TSPAN12: variants seen among roughly 807,000 people sequenced by gnomAD.
TSPAN12 encodes tetraspanin 12.
In TSPAN12, 19 loss-of-function variants were observed where a neutral mutation model predicts 39.2. That is an observed-to-expected ratio of 0.49 (90% confidence interval 0.34 to 0.71). The LOEUF (loss-of-function observed/expected upper bound fraction) is 0.71. Among genes scored for constraint, TSPAN12 ranks in the 30% least tolerant of loss-of-function variants. TSPAN12 has a pLI of 0.01. For synonymous variants in TSPAN12, 119 were observed against 124.8 expected (o/e 0.95, Z 0.31); for missense variants, 314 against 359.9 (o/e 0.87, Z 1.03).
chr7:120,813,576 T>C (rs1794022490), intron 5 of TSPAN12, among the ~76,000 whole-genome samples: 1 of 152,220 alleles, frequency 6.6e-6, no homozygotes, highest in Non-Finnish European at 1.5e-5. Flanking sequence ...TTACCAAATA[T>C]TGGTATGGCA....
intron 5 of TSPAN12, chr7:120,814,013 G>A (rs975105708): frequency 2.1e-5 from 6 of 291,162 alleles, no homozygotes; most frequent in African/African-American, 9.0e-5. Context: ...ACTTAGTGCC[G>A]TTGTACATTG....
chr7:120,814,245 G>A (rs551881362), intron 5 of TSPAN12: 32 of 456,580 alleles, frequency 7.0e-5, no homozygotes, highest in Non-Finnish European at 1.3e-4. Flanking sequence ...GACTCTCTTC[G>A]CTCTGAAACA....
At chr7:120,843,820 C>A (rs1794621796) in intron 2 of TSPAN12, among the ~76,000 whole-genome samples, 1 of 152,222 alleles carries the variant, frequency 6.6e-6, no homozygotes, top group African/African-American at 2.4e-5. Context: ...TTGATGAAAT[C>A]TGTGGGCACA....
At chr7:120,853,255 G>A (rs537694280) in intron 2 of TSPAN12, among the ~76,000 whole-genome samples, 35 of 151,424 alleles carry the variant, frequency 2.3e-4, no homozygotes, top group Non-Finnish European at 4.4e-4. Context: ...CACGACACCC[G>A]GCTAATTTTT....
chr7:120,836,143 C>A (rs904847473), intron 4 of TSPAN12, among the ~76,000 whole-genome samples: 2 of 152,138 alleles, frequency 1.3e-5, no homozygotes, highest in Non-Finnish European at 2.9e-5. Flanking sequence ...AGAATCTGAA[C>A]TGAGAGGAAT....
At chr7:120,799,477 T>C (rs1254351177) in intron 7 of TSPAN12, among the ~76,000 whole-genome samples, 1 of 129,434 alleles carries the variant, frequency 7.7e-6, no homozygotes. Context: ...TAATTATTTT[T>C]ATAATTATAT....
At chr7:120,841,271 A>ATCC (rs1281299560) in intron 2 of TSPAN12, among the ~76,000 whole-genome samples, 1 of 152,226 alleles carries the variant, frequency 6.6e-6, no homozygotes, top group Non-Finnish European at 1.5e-5. Context: ...AATCAAATCA[A>ATCC]TCCTCCTGCA....
chr7:120,808,280 C>G (rs141593603), intron 6 of TSPAN12, among the ~76,000 whole-genome samples: 1 of 152,212 alleles, frequency 6.6e-6, no homozygotes, highest in Non-Finnish European at 1.5e-5. Flanking sequence ...GTATACGATG[C>G]TCAGTGCTGA....
At chr7:120,793,060 T>G (rs1793562419) in intron 7 of TSPAN12, among the ~76,000 whole-genome samples, 1 of 152,192 alleles carries the variant, frequency 6.6e-6, no homozygotes, top group Non-Finnish European at 1.5e-5. Flanking sequence ...AACCCTTCCC[T>G]TTTCCATAAG....
intron 4 of TSPAN12, among the ~76,000 whole-genome samples, chr7:120,831,307 C>T (rs183058046): frequency 6.6e-5 from 10 of 151,954 alleles, no homozygotes; most frequent in East Asian, 5.8e-4. Flanking sequence ...TACATCCAAA[C>T]GAAATGAATA....
At position 120,797,611 on chromosome 7, in the gene TSPAN12, T is replaced by G. The variant is rs536678909; in HGVS notation, c.613-8714A>C. Among the ~76,000 whole-genome samples, 379 of 152,314 alleles carry G rather than the reference T, an allele frequency of 2.5e-3. 2 individuals carry two copies. The highest frequency in any genetic ancestry group is 8.7e-3 in the African/African-American group (362 of 41,570). On this transcript the variant is annotated intron_variant, in intron 7 of 7. Transcript: ENST00000222747. ...CACATGGAATACCTGACAAGAACCT[T>G]AAATCCAGTATTTCCAAAATGGAAC...
At chr7:120,799,772 A>C (rs1205005910) in intron 7 of TSPAN12, among the ~76,000 whole-genome samples, 24 of 134,340 alleles carry the variant, frequency 1.8e-4, no homozygotes, top group Non-Finnish European at 3.2e-4. Context: ...CATATAATTT[A>C]ATTAAATTAT....
At chr7:120,848,608 A>C (rs1337640444) in intron 2 of TSPAN12, among the ~76,000 whole-genome samples, 2 of 152,242 alleles carry the variant, frequency 1.3e-5, no homozygotes. Context: ...CTTTAAACTA[A>C]AACTTTGCAC....
At chr7:120,838,999 T>C in intron 3 of TSPAN12, 87 bp from the exon 4 acceptor site, 2 of 1,374,316 alleles carry the variant, frequency 1.5e-6, no homozygotes, top group Non-Finnish European at 2.1e-6. Context: ...TGATTTGTGT[T>C]AATAATTCTT....
intron 6 of TSPAN12, among the ~76,000 whole-genome samples, chr7:120,807,719 C>T (rs552938339): frequency 1.3e-5 from 2 of 151,878 alleles, no homozygotes; most frequent in African/African-American, 4.8e-5. Flanking sequence ...CAAAAGGAAA[C>T]AATGAAAATA....
At chr7:120,809,207 T>C (rs908643725) in intron 6 of TSPAN12, among the ~76,000 whole-genome samples, 2 of 152,106 alleles carry the variant, frequency 1.3e-5, no homozygotes, top group African/African-American at 4.8e-5. Flanking sequence ...GCAGTACTTG[T>C]ACATTGTCCA....
intron 4 of TSPAN12, among the ~76,000 whole-genome samples, chr7:120,824,440 CA>C (rs58335612): frequency 9.8e-5 from 14 of 143,538 alleles, no homozygotes; most frequent in Admixed American, 1.4e-4. Flanking sequence ...GACTCCATTT[CA>C]AAAAAAAAAC....
At chr7:120,805,152 A>G (rs994303867) in intron 7 of TSPAN12, among the ~76,000 whole-genome samples, 13 of 152,220 alleles carry the variant, frequency 8.5e-5, no homozygotes, top group East Asian at 3.9e-4. Flanking sequence ...ATGCCTTCAG[A>G]GCCCAAAGCA....
rs186605799 is a variant in TSPAN12, at chr7:120,842,417, T to C, written c.67-2308A>G. 6.1e-5 allele frequency among the ~76,000 whole-genome samples: 8 copies of C among 130,868 alleles called. No individual in the cohort carries two copies. In the Admixed American group the frequency reaches 6.4e-4, roughly 10 times the overall value. The allele number at this position is 130,868 out of a possible 152,430, so 85.9% of individuals were successfully genotyped here. A position where few individuals can be genotyped will look rare whatever the true frequency, so the allele number is the denominator to read the frequency against. ...GGAACCTCTTGGGGAACACAGGCAA[T>C]AATTACACAAAGAAGACAATTACAA... On this transcript the variant is annotated intron_variant, in intron 2 of 7. Transcript: ENST00000222747.
Sources: allele counts gnomAD v4.1 joint callset (sites outside exome capture counted in the v4.1 genomes callset), GRCh38; gene constraint gnomAD v4.1.1; transcripts MANE v1.5; gene names NCBI Gene and HGNC (gene_info 2026-07-23, HGNC 2026-07-21).